ZNF277: variants seen among roughly 807,000 people sequenced by gnomAD.
The protein encoded by ZNF277 is nuclear receptor-interacting factor 4.
In ZNF277, 55 loss-of-function variants were observed where a neutral mutation model predicts 60.7. The ratio of observed to expected loss-of-function variants is 0.91; its 90% confidence interval spans 0.73 to 1.13. The LOEUF is 1.13. Ranked by LOEUF, ZNF277 falls within the 50% of genes most tolerant of loss-of-function variation. The probability of loss-of-function intolerance (pLI) is 0.00; values close to 1 mark genes in which losing one functional copy is unlikely to be tolerated. For missense variants in ZNF277, 510 were observed against 523.0 expected (o/e 0.98, Z 0.24); for synonymous variants, 178 against 179.3 (o/e 0.99, Z 0.06).
intron 1 of ZNF277, among the ~76,000 whole-genome samples, chr7:112,222,168 T>C (rs1266247137): frequency 6.6e-6 from 1 of 152,252 alleles, no homozygotes; most frequent in African/African-American, 2.4e-5. Context: ...TGTCCTTCTC[T>C]GGCTTTGGTA....
chr7:112,279,245 T>C (rs1264266086), intron 1 of ZNF277, among the ~76,000 whole-genome samples: 1 of 152,230 alleles, frequency 6.6e-6, no homozygotes, highest in African/African-American at 2.4e-5. Flanking sequence ...ATGATAGTTC[T>C]ATTTTTAATT....
At chr7:112,285,209 T>G (rs1792037258) in intron 1 of ZNF277, among the ~76,000 whole-genome samples, 1 of 151,714 alleles carries the variant, frequency 6.6e-6, no homozygotes, top group Non-Finnish European at 1.5e-5. Flanking sequence ...TTTGTATTTT[T>G]TTAGTAGAGA....
chr7:112,278,597 G>A (rs1791870332), intron 1 of ZNF277, among the ~76,000 whole-genome samples: 1 of 152,080 alleles, frequency 6.6e-6, no homozygotes, highest in South Asian at 2.1e-4. Flanking sequence ...ACTCTATCAG[G>A]TGGATATTTT....
rs869082099 is a variant in ZNF277, at chr7:112,208,674, A to ATTTTTTTTTTT, written c.91+1881_91+1891dup. On this transcript the variant is annotated intron_variant, in intron 1 of 11. Transcript: ENST00000361822. ...ATATGACACACGTCTGTATGATTTG[A>ATTTTTTTTTTT]TTTTTTTTTTTTTTTTTTTTTTTTG... Among the ~76,000 whole-genome samples, 189 of 72,812 alleles carry ATTTTTTTTTTT rather than the reference A, an allele frequency of 2.6e-3. 22 individuals are homozygous for ATTTTTTTTTTT. The highest frequency in any genetic ancestry group is 5.0e-3 in the Admixed American group (20 of 4,002). 47.8% of individuals were successfully genotyped at this position (72,812 alleles called of 152,430 possible).
intron 1 of ZNF277, among the ~76,000 whole-genome samples, chr7:112,214,048 C>T (rs1821820021): frequency 1.3e-5 from 2 of 152,192 alleles, no homozygotes; most frequent in Non-Finnish European, 2.9e-5. Context: ...ATGTCTTCTG[C>T]ACTTGAAGAG....
chr7:112,271,359 C>T (rs1438264326), intron 1 of ZNF277, among the ~76,000 whole-genome samples: 2 of 152,130 alleles, frequency 1.3e-5, no homozygotes, highest in Non-Finnish European at 2.9e-5. Context: ...TCTTTGAAGT[C>T]AAGTGATCTT....
At position 112,327,757 on chromosome 7, in the gene ZNF277, A is replaced by T. The variant is rs1793131785; in HGVS notation, c.598A>T (p.Asn200Tyr). The T allele has an allele frequency of 1.2e-6, 2 of 1,612,288 alleles. No individual in the cohort carries two copies. Among genetic ancestry groups the T allele is most frequent in the Non-Finnish European group, 8.5e-7 (1 of 1,179,560 alleles). Residue 200 changes from asparagine to tyrosine, a missense_variant, in exon 6 of 12, where the codon AAC becomes TAC. Physicochemically the swap from Asn to Tyr is moderately radical, Grantham distance 143. Transcript: ENST00000361822. ...CCACATGGCCAGAGAACATGCTTTC[A>T]ACATTGGATTGCCAGACAACATTGT... ...LNHMAREHAF[N>Y]IGLPDNIVNC...
intron 1 of ZNF277, among the ~76,000 whole-genome samples, chr7:112,215,988 G>A (rs950948763): frequency 2.6e-5 from 4 of 152,198 alleles, no homozygotes; most frequent in Non-Finnish European, 4.4e-5. Flanking sequence ...AGCAGAAACT[G>A]TTGCTGAACT....
At chr7:112,215,844 T>G (rs1821865810) in intron 1 of ZNF277, among the ~76,000 whole-genome samples, 1 of 152,212 alleles carries the variant, frequency 6.6e-6, no homozygotes, top group African/African-American at 2.4e-5. Context: ...CTAGTAAAGA[T>G]CTCAGAATTG....
chr7:112,275,553 C>A (rs969343066), intron 1 of ZNF277, among the ~76,000 whole-genome samples: 1 of 151,924 alleles, frequency 6.6e-6, no homozygotes, highest in African/African-American at 2.4e-5. Context: ...TGTTTTAAAG[C>A]GTATTTTTTA....
chr7:112,301,475 A>G (rs1782384361), intron 4 of ZNF277, among the ~76,000 whole-genome samples: 1 of 152,218 alleles, frequency 6.6e-6, no homozygotes, highest in South Asian at 2.1e-4. Context: ...TACTACTGAT[A>G]TAGCAGTGGA....
At chr7:112,232,325 T>C (rs1036319127) in intron 1 of ZNF277, among the ~76,000 whole-genome samples, 11 of 152,194 alleles carry the variant, frequency 7.2e-5, no homozygotes, top group Non-Finnish European at 1.3e-4. Context: ...TCTGTCTATT[T>C]GAAGAATTCT....
chr7:112,287,143 A>T, intron 2 of ZNF277, 69 bp downstream of exon 2: 1 of 1,548,888 alleles, frequency 6.5e-7, no homozygotes, highest in East Asian at 2.3e-5. Context: ...CTGTAATCCT[A>T]GTACTTTGGG....
chr7:112,335,530 A>C (rs1793312621), intron 7 of ZNF277, among the ~76,000 whole-genome samples: 3 of 152,198 alleles, frequency 2.0e-5, no homozygotes, highest in Admixed American at 1.3e-4. Flanking sequence ...TTGAGTAGGT[A>C]CTAGAGCACC....
chr7:112,221,555 T>C (rs928756124), intron 1 of ZNF277, among the ~76,000 whole-genome samples: 5 of 152,182 alleles, frequency 3.3e-5, no homozygotes, highest in African/African-American at 1.2e-4. Flanking sequence ...TTATTATTAA[T>C]ATTTACCATG....
chr7:112,224,186 A>G (rs942789583), intron 1 of ZNF277, among the ~76,000 whole-genome samples: 1 of 152,242 alleles, frequency 6.6e-6, no homozygotes, highest in Admixed American at 6.5e-5. Context: ...AGGAACTCCT[A>G]CAGTAGAGCA....
chr7:112,337,189 GGTAAAAGGGATCCT>G (rs1292057898), intron 8 of ZNF277, among the ~76,000 whole-genome samples: 1 of 152,194 alleles, frequency 6.6e-6, no homozygotes, highest in Non-Finnish European at 1.5e-5. Context: ...CGGGGAAAGT[GGTAAAAGGGATCCT>G]GTATCCTTTT....
intron 1 of ZNF277, among the ~76,000 whole-genome samples, chr7:112,241,499 G>T (rs773886211): frequency 6.6e-6 from 1 of 152,132 alleles, no homozygotes; most frequent in Non-Finnish European, 1.5e-5. Context: ...GCTCCTAGGT[G>T]TATACCCAAA....
At chr7:112,263,939 G>A (rs2117028427) in intron 1 of ZNF277, among the ~76,000 whole-genome samples, 1 of 152,208 alleles carries the variant, frequency 6.6e-6, no homozygotes, top group South Asian at 2.1e-4. Flanking sequence ...AGCTACCTCT[G>A]TTCAAAAGGA....
Sources: gnomAD v4.1 joint callset for allele counts (sites outside exome capture counted in the v4.1 genomes callset) on GRCh38, gnomAD v4.1.1 for gene constraint, MANE v1.5 for transcripts, NCBI Gene and HGNC (gene_info 2026-07-23, HGNC 2026-07-21) for gene names.